COL22A1: variants seen among roughly 807,000 people sequenced by gnomAD.
COL22A1 encodes the protein collagen type XXII alpha 1 chain.
COL22A1 carries 221 observed loss-of-function variants against 248.9 expected under a neutral mutation model. The ratio of observed to expected loss-of-function variants is 0.89; its 90% CI spans 0.80 to 0.99. The LOEUF (loss-of-function observed/expected upper bound fraction) is 0.99, where lower values mean the gene tolerates loss of function less well. Among genes scored for constraint, COL22A1 ranks in the 50% least tolerant of loss-of-function variants. The probability of loss-of-function intolerance (pLI) is 0.00; values close to 1 mark genes in which losing one functional copy is unlikely to be tolerated. For missense variants in COL22A1, 2,240 were observed against 2,179.0 expected, an observed-to-expected ratio of 1.03 and a Z score of -0.56; for synonymous variants, 891 against 793.4, an observed-to-expected ratio of 1.12 and a Z score of -2.07.
At position 138,594,079 on chromosome 8, in the gene COL22A1, C is replaced by A; in HGVS notation, c.4553G>T (p.Gly1518Val). The change falls in exon 63 of 65, where the codon GGG becomes GTG. Residue 1518 changes from glycine to valine, a missense_variant. Gly to Val is a moderately radical substitution (Grantham distance 109, BLOSUM62 -3). Coordinates refer to ENST00000303045, the MANE Select transcript of COL22A1 (RefSeq NM_152888.3). ...CCCCTGCCCAGGACGACCTGGCTCC[C>A]CCATGGGGCCGGCCCGGCCTGGAAG... The part of the protein sequence containing the change: ...DGLPGRAGPM[G>V]EPGRPGQGGL... 1.3e-6 allele frequency: 2 copies of A among 1,590,370 alleles called. No individual in the cohort carries two copies. The highest frequency in any genetic ancestry group is 2.3e-5 in the East Asian group (1 of 43,030).
intron 22 of COL22A1, among the ~76,000 whole-genome samples, chr8:138,743,681 G>C (rs182808836): frequency 6.6e-6 from 1 of 152,120 alleles, no homozygotes; most frequent in Non-Finnish European, 1.5e-5. Context: ...CTAACGATAG[G>C]CCTGTTTCTT....
chr8:138,840,823 G>A (rs983470981), intron 4 of COL22A1, among the ~76,000 whole-genome samples: 4 of 152,120 alleles, frequency 2.6e-5, no homozygotes, highest in African/African-American at 9.7e-5. Context: ...TGTTGCCCAG[G>A]CTGGTCTTGA....
chr8:138,628,666 C>G (rs1022800376), intron 50 of COL22A1, among the ~76,000 whole-genome samples: 11 of 152,088 alleles, frequency 7.2e-5, no homozygotes, highest in African/African-American at 2.7e-4. Context: ...CAAGTGCTAC[C>G]ATAGCTTGAG....
At chr8:138,843,738 C>A (rs984333971) in intron 4 of COL22A1, among the ~76,000 whole-genome samples, 3 of 152,228 alleles carry the variant, frequency 2.0e-5, no homozygotes, top group African/African-American at 7.2e-5. Flanking sequence ...CGCTTTCACT[C>A]CAAAACACAT....
At chr8:138,730,624 A>AT (rs1315530880) in intron 23 of COL22A1, among the ~76,000 whole-genome samples, 2 of 152,208 alleles carry the variant, frequency 1.3e-5, no homozygotes, top group Non-Finnish European at 2.9e-5. Context: ...TCTGTGCAGA[A>AT]TTGTTTTGTA....
chr8:138,887,566 T>G (rs557916036), intron 1 of COL22A1, among the ~76,000 whole-genome samples: 39 of 152,312 alleles, frequency 2.6e-4, no homozygotes, highest in African/African-American at 9.1e-4. Context: ...TATTAAAAAT[T>G]CCTTAAAAAT....
intron 60 of COL22A1, among the ~76,000 whole-genome samples, chr8:138,600,196 C>G (rs765674583): frequency 2.0e-5 from 3 of 152,190 alleles, no homozygotes; most frequent in African/African-American, 4.8e-5. Context: ...GTGTGTTTGA[C>G]CAGCAAGTTC....
intron 48 of COL22A1, 135 bp downstream of exon 48, chr8:138,636,607 C>A: frequency 8.5e-6 from 6 of 702,004 alleles, no homozygotes; most frequent in Non-Finnish European, 1.2e-5. Context: ...AGATGAAAAC[C>A]ATAAAAATGA....
chr8:138,661,053 C>CACACACAT (rs1564159257), intron 43 of COL22A1, among the ~76,000 whole-genome samples: 2 of 146,072 alleles, frequency 1.4e-5, no homozygotes, highest in African/African-American at 5.1e-5. Flanking sequence ...CACACACACA[C>CACACACAT]GCACACACAC....
intron 12 of COL22A1, among the ~76,000 whole-genome samples, chr8:138,795,502 T>G (rs1816427489): frequency 7.1e-6 from 1 of 141,460 alleles, no homozygotes; most frequent in African/African-American, 2.9e-5. Context: ...ATCATTAATT[T>G]CTCTGTCTCT....
At chr8:138,833,201 A>T in intron 4 of COL22A1, 51 bp from the exon 5 acceptor site, 2 of 1,328,204 alleles carry the variant, frequency 1.5e-6, no homozygotes, top group Non-Finnish European at 2.2e-6. Flanking sequence ...AGAGTATAAG[A>T]GACAAAGGAA....
intron 56 of COL22A1, 74 bp from the exon 57 acceptor site, chr8:138,608,063 G>T: frequency 7.2e-7 from 1 of 1,391,340 alleles, no homozygotes; most frequent in Non-Finnish European, 1.0e-6. Context: ...GAGATAGACT[G>T]ATGCACAGGA....
chr8:138,657,584 G>A (rs1321832576), intron 44 of COL22A1, among the ~76,000 whole-genome samples: 1 of 152,204 alleles, frequency 6.6e-6, no homozygotes, highest in African/African-American at 2.4e-5. Context: ...AACCTCACAA[G>A]TCTCAAAAGA....
At chr8:138,768,991 T>C (rs1834138855) in intron 16 of COL22A1, among the ~76,000 whole-genome samples, 1 of 152,022 alleles carries the variant, frequency 6.6e-6, no homozygotes, top group South Asian at 2.1e-4. Flanking sequence ...ACCTCCCCCA[T>C]GAAGACTCTC....
rs1324431068 is a variant in COL22A1 at position 138,878,317 on chromosome 8, C to T, written c.92-1G>A. ...AGATCGTAGTGGACACTTTTGCAACCTGCAGGGGTGAGAGAAGGGGTGGCG... is the reference window on the plus strand; with the variant it reads ...AGATCGTAGTGGACACTTTTGCAACTTGCAGGGGTGAGAGAAGGGGTGGCG... On this transcript the variant is annotated splice_acceptor_variant, in intron 2 of 64. Transcript: ENST00000303045. LOFTEE classifies it high-confidence loss of function. 3.3e-6 allele frequency: 5 copies of T among 1,531,906 alleles called. No individual in the cohort carries two copies. In the Admixed American group the frequency reaches 9.7e-5, roughly 30 times the overall value. The allele number at this position is 1,531,906 out of a possible 1,614,324, so 94.9% of individuals were successfully genotyped here. A position where few individuals can be genotyped will look rare whatever the true frequency, so the allele number is the denominator to read the frequency against.
At chr8:138,878,739 G>A (rs1420854605) in intron 2 of COL22A1, among the ~76,000 whole-genome samples, 1 of 152,184 alleles carries the variant, frequency 6.6e-6, no homozygotes, top group Admixed American at 6.5e-5. Context: ...TGGGCGCGGT[G>A]GTTCACGCCT....
chr8:138,589,315 G>C lies in COL22A1; in HGVS notation c.4819C>G (p.Pro1607Ala). The change falls in exon 65 of 65, where the codon CCT becomes GCT. Residue 1607 changes from proline to alanine, a missense_variant. Coordinates refer to ENST00000303045, the MANE Select transcript of COL22A1 (RefSeq NM_152888.3). ...CTGGCGAAGTAGGCACACTGGGAAG[G>C]GTCACATTGGCCTGGGGGACCGGGA... is the stretch of plus-strand genomic sequence containing the variant. ...GPPGPPGQCD[P>A]SQCAYFASLA... 6.2e-7 allele frequency: 1 copy of C among 1,613,734 alleles called. No homozygotes were observed. Among genetic ancestry groups the C allele is most frequent in the East Asian group, 2.2e-5 (1 of 44,786 alleles).
chr8:138,871,110 G>A (rs1040929789), intron 3 of COL22A1, among the ~76,000 whole-genome samples: 5 of 152,022 alleles, frequency 3.3e-5, no homozygotes, highest in Admixed American at 6.5e-5. Context: ...TGCTTAGAGG[G>A]AGACAGTGCC....
chr8:138,873,393 G>A (rs1563870690), intron 3 of COL22A1, among the ~76,000 whole-genome samples: 2 of 152,102 alleles, frequency 1.3e-5, no homozygotes, highest in Non-Finnish European at 2.9e-5. Flanking sequence ...AACTTCTAAT[G>A]CGCACATCAC....
Sources: allele counts gnomAD v4.1 joint callset (sites outside exome capture counted in the v4.1 genomes callset), GRCh38; gene constraint gnomAD v4.1.1; transcripts MANE v1.5; gene names NCBI Gene and HGNC (gene_info 2026-07-23, HGNC 2026-07-21).